The following DPP10 variants were observed in gnomAD, a reference collection of about 807,000 sequenced individuals.
The protein encoded by DPP10 is inactive dipeptidyl peptidase 10.
Under a neutral mutation model 120.9 loss-of-function variants are expected in DPP10, and 33 were observed. The observed-to-expected ratio is 0.27, with a 90% CI of 0.21 to 0.37. The LOEUF (loss-of-function observed/expected upper bound fraction) is 0.37, where lower values mean the gene tolerates loss of function less well. DPP10 is among the 10% of genes least tolerant of loss of function. The pLI, the probability that DPP10 is intolerant of heterozygous loss-of-function variation, is 1.00. For synonymous variants in DPP10, 337 were observed against 326.1 expected, an observed-to-expected ratio of 1.03 and a Z score of -0.36; for missense variants, 816 against 942.8, an observed-to-expected ratio of 0.87 and a Z score of 1.76.
intron 1 of DPP10, among the ~76,000 whole-genome samples, chr2:114,993,580 G>GTGTGTA (rs71394121): frequency 3.1e-5 from 3 of 97,326 alleles, no homozygotes; most frequent in South Asian, 4.1e-4. Context: ...GTGTGTGTGT[G>GTGTGTA]TATATATATA....
At chr2:115,121,079 G>T (rs61317284) in intron 1 of DPP10, among the ~76,000 whole-genome samples, 31,308 of 152,046 alleles carry the variant, frequency 0.21, 3,953 homozygotes, top group East Asian at 0.36. Context: ...CTAAACCCTT[G>T]AGGTAGGACT....
chr2:115,118,747 TTGTGTGTG>T (rs59183186), intron 1 of DPP10, among the ~76,000 whole-genome samples: 3,904 of 140,470 alleles, frequency 0.028, 118 homozygotes, highest in African/African-American at 0.07. Flanking sequence ...ACACAGCTAA[TTGTGTGTG>T]TGTGTGTGTG....
intron 1 of DPP10, among the ~76,000 whole-genome samples, chr2:114,827,142 T>C (rs1368640361): frequency 1.3e-5 from 2 of 152,100 alleles, no homozygotes; most frequent in African/African-American, 2.4e-5. Flanking sequence ...AGTTCTCTTA[T>C]GGGAGTTTGC....
intron 4 of DPP10, among the ~76,000 whole-genome samples, chr2:115,524,609 C>T (rs1417197606): frequency 4.6e-5 from 7 of 152,084 alleles, no homozygotes; most frequent in Non-Finnish European, 1.0e-4. Context: ...CTCTGATCTC[C>T]AGCTCTTCTC....
At chr2:114,750,748 T>A (rs1679140517) in intron 1 of DPP10, among the ~76,000 whole-genome samples, 1 of 139,360 alleles carries the variant, frequency 7.2e-6, no homozygotes, top group Non-Finnish European at 1.5e-5. Flanking sequence ...GCTGGCTGGC[T>A]TTCAGGAATA....
chr2:114,890,588 A>G (rs972186112), intron 1 of DPP10, among the ~76,000 whole-genome samples: 8 of 152,208 alleles, frequency 5.3e-5, no homozygotes, highest in Admixed American at 1.3e-4. Flanking sequence ...AATTAGGCCA[A>G]TTTAAATCAT....
chr2:114,553,083 A>T (rs944452280), intron 1 of DPP10, among the ~76,000 whole-genome samples: 11 of 152,010 alleles, frequency 7.2e-5, no homozygotes, highest in Non-Finnish European at 1.5e-4. Flanking sequence ...GTTTAATTTC[A>T]CTTGTCTTAT....
intron 1 of DPP10, among the ~76,000 whole-genome samples, chr2:114,713,912 G>A (rs906557189): frequency 4.0e-5 from 6 of 151,702 alleles, no homozygotes; most frequent in Middle Eastern, 3.4e-3. Context: ...TTGAACTCAG[G>A]AGGCGGAGGT....
chr2:115,289,297 GACAA>G (rs2060540963), intron 1 of DPP10, among the ~76,000 whole-genome samples: 1 of 151,760 alleles, frequency 6.6e-6, no homozygotes, highest in South Asian at 2.1e-4. Flanking sequence ...CAAACAAATG[GACAA>G]ACAGACAACA....
intron 1 of DPP10, among the ~76,000 whole-genome samples, chr2:114,795,238 C>T (rs1474453217): frequency 6.6e-6 from 1 of 151,958 alleles, no homozygotes; most frequent in Non-Finnish European, 1.5e-5. Flanking sequence ...CAGTGGCTCA[C>T]GCCTGCAATC....
chr2:115,223,767 T>A (rs1337773093), intron 1 of DPP10, among the ~76,000 whole-genome samples: 2 of 152,080 alleles, frequency 1.3e-5, no homozygotes, highest in Non-Finnish European at 1.5e-5. Context: ...AAAGTTGGAA[T>A]CTTTTCGAAG....
intron 1 of DPP10, among the ~76,000 whole-genome samples, chr2:115,013,658 C>CAAAAAAAAAAA (rs59313783): frequency 5.1e-5 from 3 of 58,410 alleles, no homozygotes; most frequent in Admixed American, 2.0e-4. Flanking sequence ...AAATGGAAAG[C>CAAAAAAAAAAA]AAAAAAAAAA....
chr2:115,804,852 C>T (rs1397887015), intron 19 of DPP10, among the ~76,000 whole-genome samples: 1 of 152,182 alleles, frequency 6.6e-6, no homozygotes, highest in African/African-American at 2.4e-5. Flanking sequence ...CTGGGGAGTG[C>T]CTCCCAGTTA....
chr2:115,663,432 G>A (rs915690897), intron 5 of DPP10, among the ~76,000 whole-genome samples: 7 of 151,990 alleles, frequency 4.6e-5, no homozygotes, highest in South Asian at 2.1e-4. Flanking sequence ...TTTTCATTGC[G>A]CTAGTCTTGA....
At chr2:114,940,064 A>G (rs747945771) in intron 1 of DPP10, among the ~76,000 whole-genome samples, 1 of 152,114 alleles carries the variant, frequency 6.6e-6, no homozygotes, top group Non-Finnish European at 1.5e-5. Context: ...TTGTTTATGT[A>G]TTCTGCCAAC....
intron 1 of DPP10, among the ~76,000 whole-genome samples, chr2:114,874,214 G>T (rs1337479704): frequency 6.6e-6 from 1 of 152,144 alleles, no homozygotes; most frequent in African/African-American, 2.4e-5. Context: ...CCCCAGACTG[G>T]GAAGGAATGG....
At chr2:115,383,814 G>T (rs1463781058) in intron 3 of DPP10, among the ~76,000 whole-genome samples, 1 of 151,848 alleles carries the variant, frequency 6.6e-6, no homozygotes, top group African/African-American at 2.4e-5. Context: ...TTTCTTTCTT[G>T]TTCCAACATT....
intron 1 of DPP10, among the ~76,000 whole-genome samples, chr2:114,595,581 T>C (rs1691839519): frequency 6.6e-6 from 1 of 152,172 alleles, no homozygotes; most frequent in Non-Finnish European, 1.5e-5. Context: ...TTTTCATGTT[T>C]TGTAATATTT....
At chr2:114,767,806 C>A (rs138997733) in intron 1 of DPP10, among the ~76,000 whole-genome samples, 118 of 152,172 alleles carry the variant, frequency 7.8e-4, no homozygotes, top group African/African-American at 2.7e-3. Context: ...GGCAAGACTA[C>A]CAGTGGAATA....
Sources: allele counts gnomAD v4.1 joint callset (sites outside exome capture counted in the v4.1 genomes callset), GRCh38; gene constraint gnomAD v4.1.1; transcripts MANE v1.5; gene names NCBI Gene and HGNC (gene_info 2026-07-23, HGNC 2026-07-21).